DIP2A: variants seen among roughly 807,000 people sequenced by gnomAD.
The protein encoded by DIP2A is DIP2 acetate--CoA ligase A, also known as disco-interacting protein 2 homolog A.
Under a neutral mutation model 177.4 loss-of-function variants are expected in DIP2A, and 85 were observed. That is an observed-to-expected ratio of 0.48 (90% CI 0.40 to 0.57). DIP2A has a LOEUF of 0.57. Among genes scored for constraint, DIP2A ranks in the 20% least tolerant of loss-of-function variants. The pLI, the probability that DIP2A is intolerant of heterozygous loss-of-function variation, is 0.00. For missense variants in DIP2A, 1,791 were observed against 2,100.2 expected (o/e 0.85, Z 2.88); for synonymous variants, 886 against 881.8 (o/e 1.00, Z -0.08).
intron 5 of DIP2A, 84 bp from the exon 6 acceptor site, chr21:46,504,277 T>C: frequency 6.5e-7 from 1 of 1,550,174 alleles, no homozygotes; most frequent in Non-Finnish European, 8.8e-7. Flanking sequence ...TAGTGGAGCT[T>C]TAGACTAACG....
At chr21:46,465,913 A>G (rs946995021) in intron 1 of DIP2A, among the ~76,000 whole-genome samples, 1 of 152,172 alleles carries the variant, frequency 6.6e-6, no homozygotes, top group African/African-American at 2.4e-5. Flanking sequence ...TTTTTGCTTG[A>G]AAAAGTGGGT....
At position 46,545,181 on chromosome 21, in the gene DIP2A, A is replaced by G; in HGVS notation, c.2221A>G (p.Lys741Glu). 1 of 1,609,162 alleles carries G rather than the reference A, an allele frequency of 6.2e-7. No homozygotes were observed. Among genetic ancestry groups the G allele is most frequent in the Non-Finnish European group, 8.5e-7 (1 of 1,175,928 alleles). The change falls in exon 19 of 38, where the codon AAA becomes GAA. Residue 741 changes from lysine (K) to glutamate (E), a missense_variant. Coordinates refer to ENST00000417564, the MANE Select transcript of DIP2A (RefSeq NM_015151.4). ...GTTAGAAGGTACCCCTTATCTTTGT[A>G]AAACTGATGAAGTGGGAGAAATATG... ...VKLEGTPYLC[K>E]TDEVGEICVS...
At chr21:46,525,099 C>A (rs1382372168) in intron 8 of DIP2A, among the ~76,000 whole-genome samples, 1 of 151,844 alleles carries the variant, frequency 6.6e-6, no homozygotes. Context: ...GTTGACCAGG[C>A]TGGTCTCGAA....
rs767733649 is a variant in DIP2A at position 46,558,350 on chromosome 21, G to A, written c.3926G>A (p.Ser1309Asn). The change falls in exon 32 of 38, where the codon AGC (serine) becomes AAC (asparagine). Residue 1309 changes from serine (S) to asparagine (N), a missense_variant. Transcript: ENST00000417564. ...KDLGLPARAV[S>N]TTFGCRVNVA... ...CTGGGCCTGCCGGCCCGCGCCGTAA[G>A]CACCACGTTCGGGTGCAGGGTCAAC... is the stretch of plus-strand genomic sequence containing the variant. The A allele has an allele frequency of 1.7e-5, 27 of 1,606,302 alleles. No individual in the cohort carries two copies. The highest frequency in any genetic ancestry group is 5.1e-5 in the Admixed American group (3 of 59,388).
chr21:46,500,358 G>A (rs371613669), intron 5 of DIP2A, among the ~76,000 whole-genome samples: 19 of 152,300 alleles, frequency 1.2e-4, no homozygotes, highest in Middle Eastern at 3.4e-3. Flanking sequence ...GCTTTCCTGG[G>A]TGTTCCATGG....
intron 1 of DIP2A, among the ~76,000 whole-genome samples, chr21:46,473,466 AAGG>A (rs1346734659): frequency 3.6e-5 from 5 of 137,348 alleles, no homozygotes; most frequent in Non-Finnish European, 7.9e-5. Flanking sequence ...GGGAAAAAAA[AAGG>A]GGGGGGGGCC....
chr21:46,474,748 G>C (rs2055696626), intron 1 of DIP2A, among the ~76,000 whole-genome samples: 1 of 152,128 alleles, frequency 6.6e-6, no homozygotes, highest in African/African-American at 2.4e-5. Flanking sequence ...CTCCCAAGTA[G>C]CTGGAACTAT....
intron 7 of DIP2A, among the ~76,000 whole-genome samples, chr21:46,510,681 A>C (rs1238291762): frequency 7.4e-6 from 1 of 135,376 alleles, no homozygotes; most frequent in African/African-American, 2.8e-5. Flanking sequence ...CCCAGGCTGG[A>C]GTGCAGTGGT....
chr21:46,524,872 C>CTTTTTTTTTTTT (rs3061062), intron 8 of DIP2A, among the ~76,000 whole-genome samples: 3 of 63,400 alleles, frequency 4.7e-5, no homozygotes, highest in African/African-American at 6.9e-5. Context: ...TTGCTTTTTG[C>CTTTTTTTTTTTT]TTTTTTTTTT....
At chr21:46,476,799 G>A (rs942867053) in intron 1 of DIP2A, among the ~76,000 whole-genome samples, 1 of 151,980 alleles carries the variant, frequency 6.6e-6, no homozygotes, top group Non-Finnish European at 1.5e-5. Flanking sequence ...GAGATTACAG[G>A]TGTGTGCCAC....
the DIP2A span, among the ~76,000 whole-genome samples, chr21:46,576,453 C>T: frequency 1.3e-5 from 2 of 152,160 alleles, no homozygotes; most frequent in Non-Finnish European, 2.9e-5. Context: ...AGAACACAAT[C>T]TAATTCCTTT....
chr21:46,560,783 G>C lies in DIP2A; in HGVS notation c.4031G>C (p.Arg1344Thr). Reference protein sequence around the residue: ...YVDMRALRHDRVRLVERGSPH... With the variant: ...YVDMRALRHDTVRLVERGSPH... ...GACATGCGGGCACTGCGCCATGACA[G>C]GTAATGCTCCCAGCCTGCCTGGGCC... Residue 1344 changes from arginine (R) to threonine (T), a missense_variant and splice_region_variant, in exon 33 of 38, where the codon AGG becomes ACG. Arg to Thr is a moderately conservative substitution (Grantham distance 71). Coordinates refer to ENST00000417564, the MANE Select transcript of DIP2A (RefSeq NM_015151.4). 6.2e-7 allele frequency: 1 copy of C among 1,604,610 alleles called. No individual in the cohort carries two copies. Among genetic ancestry groups the C allele is most frequent in the Non-Finnish European group, 8.5e-7 (1 of 1,175,842 alleles).
At chr21:46,489,105 G>A (rs777250182) in intron 2 of DIP2A, among the ~76,000 whole-genome samples, 2 of 151,708 alleles carry the variant, frequency 1.3e-5, no homozygotes, top group Non-Finnish European at 2.9e-5. Flanking sequence ...ACACGTGTGT[G>A]TGTGGGTGTG....
chr21:46,538,732 GTTTCT>G, intron 16 of DIP2A, 130 bp downstream of exon 16: 2 of 1,325,260 alleles, frequency 1.5e-6, no homozygotes, highest in Non-Finnish European at 2.0e-6. Context: ...ATGTCCCATC[GTTTCT>G]ATGACACGGA....
At chr21:46,536,347 C>T (rs1267037341) in intron 13 of DIP2A, among the ~76,000 whole-genome samples, 5 of 152,186 alleles carry the variant, frequency 3.3e-5, no homozygotes, top group Non-Finnish European at 7.3e-5. Context: ...GTGCTGGGAA[C>T]CCTCAGGACC....
intron 1 of DIP2A, among the ~76,000 whole-genome samples, chr21:46,464,993 T>C (rs1449618723): frequency 6.6e-6 from 1 of 152,098 alleles, no homozygotes; most frequent in African/African-American, 2.4e-5. Context: ...CAATATTTGT[T>C]GTTTCAGGAA....
intron 8 of DIP2A, among the ~76,000 whole-genome samples, chr21:46,525,938 C>T (rs1027508470): frequency 4.1e-5 from 6 of 147,706 alleles, no homozygotes; most frequent in Non-Finnish European, 8.9e-5. Flanking sequence ...GATGGAGTTT[C>T]GCTCTTGTTG....
chr21:46,562,626 G>A (rs759770550), intron 34 of DIP2A, among the ~76,000 whole-genome samples: 4 of 152,202 alleles, frequency 2.6e-5, no homozygotes, highest in Admixed American at 6.5e-5. Context: ...TGAGGGTCTC[G>A]AGGTGGGAGC....
intron 27 of DIP2A, 36 bp from the exon 28 acceptor site, chr21:46,554,786 G>GGGGGGGGGGGGCCCCCCCCC: frequency 6.6e-7 from 1 of 1,519,120 alleles, no homozygotes; most frequent in Non-Finnish European, 8.8e-7. Flanking sequence ...AGCTTGAGAG[G>GGGGGGGGGGGGCCCCCCCCC]CCCCGCCCAC....
Sources: allele counts gnomAD v4.1 joint callset (sites outside exome capture counted in the v4.1 genomes callset), GRCh38; gene constraint gnomAD v4.1.1; transcripts MANE v1.5; gene names NCBI Gene and HGNC (gene_info 2026-07-23, HGNC 2026-07-21).